FGF13: variants seen among roughly 807,000 people sequenced by gnomAD.
The protein encoded by FGF13 is fibroblast growth factor 13.
In FGF13, 2 loss-of-function variants were observed where a neutral mutation model predicts 19.5. The ratio of observed to expected loss-of-function variants is 0.10; its 90% CI spans 0.04 to 0.32. The LOEUF (loss-of-function observed/expected upper bound fraction) is 0.32, where lower values mean the gene tolerates loss of function less well. Among genes scored for constraint, FGF13 ranks in the 10% least tolerant of loss-of-function variants. FGF13 has a pLI of 1.00. For missense variants in FGF13, 113 were observed against 192.7 expected, an observed-to-expected ratio of 0.59 and a Z score of 2.45; for synonymous variants, 72 against 76.9, an observed-to-expected ratio of 0.94 and a Z score of 0.33.
chrX:138,804,867 AG>A (rs1402995608), intron 3 of FGF13, among the ~76,000 whole-genome samples: 1 of 112,231 alleles, frequency 8.9e-6, no homozygotes, highest in Non-Finnish European at 1.9e-5. Flanking sequence ...TTTTAATATT[AG>A]AAACAGATTC....
At chrX:138,719,155 G>A (rs1425785274) in intron 1 of FGF13, among the ~76,000 whole-genome samples, 5 of 112,140 alleles carry the variant, frequency 4.5e-5, no homozygotes, top group Admixed American at 3.8e-4. Context: ...AGTGGGTCTG[G>A]AATTTGGGTT....
intron 1 of FGF13, among the ~76,000 whole-genome samples, chrX:138,728,676 G>A (rs1479286865): frequency 1.8e-5 from 2 of 110,702 alleles, no homozygotes; most frequent in African/African-American, 6.6e-5. Context: ...AGTCCTAGGT[G>A]CATAGTACAG....
chrX:138,824,707 ATATT>A (rs2091022399), intron 3 of FGF13, among the ~76,000 whole-genome samples: 11 of 111,586 alleles, frequency 9.9e-5, no homozygotes, highest in Admixed American at 5.7e-4. Flanking sequence ...CCTTCTAAGT[ATATT>A]CAAAGAGCCC....
chrX:139,031,518 C>T (rs1309591443), intron 1 of FGF13, among the ~76,000 whole-genome samples: 3 of 111,043 alleles, frequency 2.7e-5, no homozygotes, highest in Non-Finnish European at 5.7e-5. Context: ...TAGGCAATAT[C>T]ATTACTCCCA....
intron 1 of FGF13, among the ~76,000 whole-genome samples, chrX:138,967,540 G>A (rs988988119): frequency 1.8e-5 from 2 of 111,113 alleles, no homozygotes; most frequent in Non-Finnish European, 3.8e-5. Context: ...GGAGGCTACA[G>A]CAAAGAAAGG....
intron 1 of FGF13, among the ~76,000 whole-genome samples, chrX:138,733,517 T>C (rs769126046): frequency 1.7e-4 from 19 of 111,299 alleles, no homozygotes; most frequent in African/African-American, 5.9e-4. Context: ...TTGCTGAAAA[T>C]CTACTATATC....
At chrX:138,753,249 A>C (rs2090409712) in intron 3 of FGF13, among the ~76,000 whole-genome samples, 1 of 112,064 alleles carries the variant, frequency 8.9e-6, no homozygotes, top group Admixed American at 9.5e-5. Context: ...AGCTTTACTT[A>C]TCTGGAGTGC....
intron 3 of FGF13, among the ~76,000 whole-genome samples, chrX:138,645,415 C>T (rs2089296285): frequency 8.9e-6 from 1 of 112,156 alleles, no homozygotes; most frequent in Non-Finnish European, 1.9e-5. Flanking sequence ...TATTTGTGTG[C>T]CCTGGCCCTT....
intron 1 of FGF13, among the ~76,000 whole-genome samples, chrX:138,959,253 T>C (rs987949587): frequency 8.9e-6 from 1 of 111,968 alleles, no homozygotes; most frequent in African/African-American, 3.3e-5. Flanking sequence ...AGCACATCTT[T>C]ATTTCTGCCT....
intron 1 of FGF13, among the ~76,000 whole-genome samples, chrX:139,062,240 T>C (rs1235416149): frequency 9.0e-6 from 1 of 111,680 alleles, no homozygotes; most frequent in African/African-American, 3.3e-5. Context: ...TGTTTTTGTA[T>C]AGGTGTAAGC....
intron 1 of FGF13, among the ~76,000 whole-genome samples, chrX:138,870,036 A>G (rs1041050501): frequency 5.3e-5 from 6 of 112,305 alleles, no homozygotes; most frequent in African/African-American, 1.9e-4. Flanking sequence ...GAAAGCCTCA[A>G]GTCATCAAAT....
chrX:138,928,159 A>T (rs960387352), intron 1 of FGF13, among the ~76,000 whole-genome samples: 1 of 110,928 alleles, frequency 9.0e-6, no homozygotes, highest in Non-Finnish European at 1.9e-5. Flanking sequence ...AAAGAATACA[A>T]TAAAATACCA....
intron 3 of FGF13, among the ~76,000 whole-genome samples, chrX:138,784,157 G>C (rs1204131734): frequency 1.3e-5 from 1 of 76,104 alleles, no homozygotes; most frequent in Non-Finnish European, 2.4e-5. Flanking sequence ...ACACTCTGGG[G>C]ACTGTTGTGG....
intron 1 of FGF13, among the ~76,000 whole-genome samples, chrX:139,163,281 C>T (rs902361167): frequency 1.9e-4 from 21 of 111,076 alleles, no homozygotes; most frequent in African/African-American, 5.6e-4. Flanking sequence ...TCTCAGCAAA[C>T]TAACACAGGA....
chrX:138,998,840 A>G (rs980183581), intron 1 of FGF13, among the ~76,000 whole-genome samples: 3 of 111,923 alleles, frequency 2.7e-5, no homozygotes, highest in African/African-American at 9.8e-5. Flanking sequence ...CAGATCTAAT[A>G]GAAATCTACA....
intron 1 of FGF13, among the ~76,000 whole-genome samples, chrX:139,064,656 G>C (rs1318047239): frequency 1.8e-5 from 2 of 110,973 alleles, no homozygotes; most frequent in Non-Finnish European, 3.8e-5. Context: ...GTGTCTTGGG[G>C]TTGCTCTTCT....
chrX:138,831,783 T>C (rs1043573745), intron 3 of FGF13, among the ~76,000 whole-genome samples: 1 of 111,193 alleles, frequency 9.0e-6, no homozygotes, highest in Non-Finnish European at 1.9e-5. Context: ...ATTCAGGTAC[T>C]AAGCCAAGTA....
At chrX:138,778,623 G>GCACACCGGGAGAATATATCC (rs2090610601) in intron 3 of FGF13, among the ~76,000 whole-genome samples, 1 of 112,232 alleles carries the variant, frequency 8.9e-6, no homozygotes, top group Non-Finnish European at 1.9e-5. Context: ...TTAAAAAACG[G>GCACACCGGGAGAATATATCC]CACACCGGGA....
chrX:139,119,721 A>C (rs1437839886), intron 1 of FGF13, among the ~76,000 whole-genome samples: 1 of 112,305 alleles, frequency 8.9e-6, no homozygotes, highest in Non-Finnish European at 1.9e-5. Context: ...TAATGATATA[A>C]ATTAATAGTA....
Sources: allele counts gnomAD v4.1 joint callset (sites outside exome capture counted in the v4.1 genomes callset), GRCh38; gene constraint gnomAD v4.1.1; transcripts MANE v1.5; gene names NCBI Gene and HGNC (gene_info 2026-07-23, HGNC 2026-07-21).